Variants in PKNOX2 observed in about 807,000 individuals in gnomAD.
The protein encoded by PKNOX2 is PBX/knotted 1 homeobox 2, also known as homeobox protein PKNOX2.
Under a neutral mutation model 53.1 loss-of-function variants are expected in PKNOX2, and 14 were observed. The ratio of observed to expected loss-of-function variants is 0.26; its 90% CI spans 0.17 to 0.41. The LOEUF (loss-of-function observed/expected upper bound fraction) is 0.41, where lower values mean the gene tolerates loss of function less well. PKNOX2 is among the 10% of genes least tolerant of loss of function. PKNOX2 has a pLI of 1.00. For synonymous variants in PKNOX2, 257 were observed against 242.8 expected (o/e 1.06, Z -0.54); for missense variants, 496 against 602.8 (o/e 0.82, Z 1.85).
intron 2 of PKNOX2, among the ~76,000 whole-genome samples, chr11:125,301,199 G>A (rs1277247704): frequency 6.6e-6 from 1 of 152,142 alleles, no homozygotes; most frequent in Non-Finnish European, 1.5e-5. Flanking sequence ...ATCCACTGCT[G>A]GGACTGCCTA....
chr11:125,354,546 C>T (rs1591539543), intron 4 of PKNOX2, among the ~76,000 whole-genome samples: 1 of 152,162 alleles, frequency 6.6e-6, no homozygotes, highest in Non-Finnish European at 1.5e-5. Context: ...CCCATGCGAT[C>T]GTTTTAATAA....
intron 10 of PKNOX2, among the ~76,000 whole-genome samples, chr11:125,426,747 C>T (rs1956450032): frequency 6.6e-6 from 1 of 152,246 alleles, no homozygotes; most frequent in South Asian, 2.1e-4. Flanking sequence ...GGTCTGCACA[C>T]TGGAAATAAA....
rs1956730543 is a variant in PKNOX2, at chr11:125,432,119, TC to T, written c.*730del. Reference sequence around the variant, plus strand: ...TCAACCTGTGGGAGGTTAAGAGGAGTCCCTTCTGGGTTGACTCCAAGAGCCA... The same window carrying T: ...TCAACCTGTGGGAGGTTAAGAGGAGTCCTTCTGGGTTGACTCCAAGAGCCA... On this transcript the variant is annotated 3_prime_UTR_variant, in exon 13 of 13. Transcript: ENST00000298282. The T allele has an allele frequency of 6.6e-6, 1 of 151,974 alleles. No homozygotes were observed. Among genetic ancestry groups the T allele is most frequent in the Non-Finnish European group, 1.5e-5 (1 of 68,058 alleles). The allele number at this position is 151,974 out of a possible 1,614,324, so 9.4% of individuals were successfully genotyped here. A position where few individuals can be genotyped will look rare whatever the true frequency, so the allele number is the denominator to read the frequency against.
intron 2 of PKNOX2, among the ~76,000 whole-genome samples, chr11:125,328,890 A>G (rs996977430): frequency 3.3e-5 from 5 of 152,230 alleles, no homozygotes; most frequent in African/African-American, 1.2e-4. Context: ...AGGGAAAGGC[A>G]TCTCTCATAC....
chr11:125,390,143 T>C (rs1049853593), intron 6 of PKNOX2, among the ~76,000 whole-genome samples: 2 of 152,266 alleles, frequency 1.3e-5, no homozygotes, highest in Non-Finnish European at 2.9e-5. Context: ...CTAGTAATAA[T>C]GAACATTTAT....
At chr11:125,208,498 G>C (rs1278482415) in intron 1 of PKNOX2, among the ~76,000 whole-genome samples, 1 of 152,140 alleles carries the variant, frequency 6.6e-6, no homozygotes, top group Non-Finnish European at 1.5e-5. Context: ...GATCAGAGCA[G>C]ACAGGAGTGA....
At chr11:125,229,258 C>T (rs556063518) in intron 1 of PKNOX2, among the ~76,000 whole-genome samples, 9 of 152,248 alleles carry the variant, frequency 5.9e-5, no homozygotes, top group South Asian at 2.1e-4. Context: ...TGTCTGGCCC[C>T]GTGACGGGGG....
intron 2 of PKNOX2, among the ~76,000 whole-genome samples, chr11:125,309,171 CCT>C (rs1272614995): frequency 3.3e-5 from 5 of 149,564 alleles, no homozygotes; most frequent in Non-Finnish European, 7.4e-5. Context: ...TTCCTTCCTT[CCT>C]CTCTCTCTTT....
At chr11:125,397,622 A>G (rs1488602060) in intron 6 of PKNOX2, among the ~76,000 whole-genome samples, 2 of 152,232 alleles carry the variant, frequency 1.3e-5, no homozygotes, top group East Asian at 3.9e-4. Context: ...CAACTGCCTC[A>G]AGAACAGCTG....
intron 5 of PKNOX2, among the ~76,000 whole-genome samples, chr11:125,371,298 G>C (rs1952529416): frequency 6.6e-6 from 1 of 152,110 alleles, no homozygotes; most frequent in African/African-American, 2.4e-5. Flanking sequence ...TCCAAAGAGG[G>C]GAGGCCGGTG....
At chr11:125,207,738 G>A (rs1418793903) in intron 1 of PKNOX2, among the ~76,000 whole-genome samples, 1 of 152,012 alleles carries the variant, frequency 6.6e-6, no homozygotes, top group Non-Finnish European at 1.5e-5. Context: ...ATTGGAGACG[G>A]GTATGGGTGG....
chr11:125,235,955 G>A (rs995218586), intron 2 of PKNOX2, among the ~76,000 whole-genome samples: 3 of 152,162 alleles, frequency 2.0e-5, no homozygotes, highest in South Asian at 4.1e-4. Flanking sequence ...GAGTTGCCCT[G>A]GGCAGGCATA....
intron 6 of PKNOX2, among the ~76,000 whole-genome samples, chr11:125,391,894 G>A (rs1173111266): frequency 6.6e-6 from 1 of 152,180 alleles, no homozygotes; most frequent in East Asian, 1.9e-4. Flanking sequence ...CATTGTTATT[G>A]CCCTAGAAGA....
chr11:125,388,351 C>T (rs1247640908), intron 6 of PKNOX2, among the ~76,000 whole-genome samples: 1 of 152,140 alleles, frequency 6.6e-6, no homozygotes, highest in Non-Finnish European at 1.5e-5. Flanking sequence ...TTTTTTACAA[C>T]CCCGCACACG....
At chr11:125,214,708 G>A (rs1940278147) in intron 1 of PKNOX2, among the ~76,000 whole-genome samples, 1 of 151,970 alleles carries the variant, frequency 6.6e-6, no homozygotes, top group Non-Finnish European at 1.5e-5. Flanking sequence ...GGAGGGGATG[G>A]GGTGCAGCCT....
At chr11:125,234,236 C>A (rs1373620112) in intron 1 of PKNOX2, among the ~76,000 whole-genome samples, 1 of 152,234 alleles carries the variant, frequency 6.6e-6, no homozygotes, top group East Asian at 1.9e-4. Flanking sequence ...CTTCTGTACA[C>A]TTTAGCACAA....
intron 5 of PKNOX2, among the ~76,000 whole-genome samples, chr11:125,376,722 A>C (rs2135303972): frequency 6.6e-6 from 1 of 152,258 alleles, no homozygotes; most frequent in South Asian, 2.1e-4. Context: ...AAATGTATTG[A>C]TCCTCTGCTG....
At chr11:125,262,260 C>A (rs905788679) in intron 2 of PKNOX2, among the ~76,000 whole-genome samples, 1 of 151,992 alleles carries the variant, frequency 6.6e-6, no homozygotes, top group Non-Finnish European at 1.5e-5. Flanking sequence ...CCCCTTGGGC[C>A]GGAAGGAGTG....
chr11:125,361,117 C>T (rs1304635500), intron 4 of PKNOX2, among the ~76,000 whole-genome samples: 3 of 152,208 alleles, frequency 2.0e-5, no homozygotes, highest in Admixed American at 2.0e-4. Flanking sequence ...TCAATCAGAC[C>T]TGCCCACTCC....
Sources: allele counts gnomAD v4.1 joint callset (sites outside exome capture counted in the v4.1 genomes callset), GRCh38; gene constraint gnomAD v4.1.1; transcripts MANE v1.5; gene names NCBI Gene and HGNC (gene_info 2026-07-23, HGNC 2026-07-21).